PRPF8: variants seen among roughly 807,000 people sequenced by gnomAD.
PRPF8 encodes pre-mRNA processing factor 8, also known as pre-mRNA-processing-splicing factor 8.
A neutral mutation model predicts 285.9 loss-of-function variants in PRPF8; 64 were observed. The ratio of observed to expected loss-of-function variants is 0.22; its 90% CI spans 0.18 to 0.28. PRPF8 has a LOEUF of 0.28. PRPF8 is among the 10% of genes least tolerant of loss of function. The pLI, the probability that PRPF8 is intolerant of heterozygous loss-of-function variation, is 1.00. For missense variants in PRPF8, 1,426 were observed against 3,026.7 expected, an observed-to-expected ratio of 0.47 and a Z score of 12.41; for synonymous variants, 1,325 against 1,118.2, an observed-to-expected ratio of 1.18 and a Z score of -3.69.
In PRPF8 at chr17:1,658,791, T is replaced by C; in HGVS notation, c.5139-28A>G. On this transcript the variant is annotated intron_variant, in intron 32 of 42. Transcript: ENST00000304992. The surrounding 1 kb of genome is among the most constrained non-coding windows in gnomAD (Gnocchi z 4.1). ...GTGAGGATAAAAGGGTCAAGAAAAG[T>C]TAAGACGAGAATGACAGCCCCAGAA... 1 of 1,600,236 alleles carries C rather than the reference T, an allele frequency of 6.2e-7. No homozygotes were observed. The highest frequency in any genetic ancestry group is 8.6e-7 in the Non-Finnish European group (1 of 1,167,416).
At chr17:1,656,975 CAT>C (rs1405860800) in intron 34 of PRPF8, among the ~76,000 whole-genome samples, 6 of 152,278 alleles carry the variant, frequency 3.9e-5, no homozygotes, top group African/African-American at 1.2e-4. Context: ...CAAGCTGACA[CAT>C]GAGTATGTGC....
At chr17:1,671,238 G>C (rs8068601) in intron 24 of PRPF8, among the ~76,000 whole-genome samples, 39,688 of 152,068 alleles carry the variant, frequency 0.26, 7,185 homozygotes, top group African/African-American at 0.52. Context: ...GACTGGGCTA[G>C]AGCAATCACT....
rs1237316913 is a variant in PRPF8 at position 1,653,711 on chromosome 17, C to T, written c.6228-28G>A. 6 of 1,614,042 alleles carry T rather than the reference C, an allele frequency of 3.7e-6. No homozygotes were observed. Among genetic ancestry groups the T allele is most frequent in the Middle Eastern group, 1.6e-4 (1 of 6,084 alleles). On this transcript the variant is annotated intron_variant, in intron 38 of 42. Transcript: ENST00000304992. The surrounding 1 kb of genome is among the most constrained non-coding windows in gnomAD (Gnocchi z 4.9). ...AAAAACAGGCAGGGAGTGTCAGCAT[C>T]GCTCAGCCCAGCACCTTAGGTAGTG...
rs200741294 is a variant in PRPF8 at position 1,651,304 on chromosome 17, C to G, written c.6657G>C (p.Thr2219=). 6.2e-7 allele frequency: 1 copy of G among 1,614,112 alleles called. No individual in the cohort carries two copies. The highest frequency in any genetic ancestry group is 1.7e-5 in the Admixed American group (1 of 60,018). Residue 2219 remains threonine (T), a synonymous_variant, in exon 42 of 43, where the codon ACG becomes ACC. Transcript: ENST00000304992. This position sits in a 1 kb window ranked among gnomAD's most constrained non-coding sequence, Gnocchi z 5.1. ...EKTIIITCSF[T]PGSCTLTAYK... is the part of the protein sequence containing the mutation. ...AGGCCGTCAGTGTACAGGAGCCTGG[C>G]GTGAAGCTGGGGGAGGAACGAGGAC...
chr17:1,681,178 A>C (rs1451026129), intron 6 of PRPF8, 124 bp from the exon 7 acceptor site: 1 of 1,094,690 alleles, frequency 9.1e-7, no homozygotes. Flanking sequence ...TCCTGGGCTC[A>C]AACAATCCTC....
Position 1,673,972 on chromosome 17 carries a change from G to A in PRPF8, c.3300-80C>T, listed in dbSNP as rs900577413. 2.9e-5 allele frequency: 45 copies of A among 1,540,956 alleles called. No homozygotes were observed. The highest frequency in any genetic ancestry group is 2.9e-4 in the East Asian group (13 of 44,534). ...CCACAAGTCCTCCAGCTCAATAGAC[G>A]GAGACCCCACCCCATCCTACCCCCA... is the stretch of plus-strand genomic sequence containing the variant. On this transcript the variant is annotated intron_variant, in intron 21 of 42. Coordinates refer to ENST00000304992, the MANE Select transcript of PRPF8 (RefSeq NM_006445.4). The surrounding 1 kb of genome is among the most constrained non-coding windows in gnomAD (Gnocchi z 5.5).
intron 11 of PRPF8, 25 bp downstream of exon 11, chr17:1,678,992 G>T: frequency 6.2e-7 from 1 of 1,613,862 alleles, no homozygotes; most frequent in Non-Finnish European, 8.5e-7. Context: ...AAGCCCAGGA[G>T]GCCCCTAGGG....
At chr17:1,657,270 C>T (rs982716910) in intron 34 of PRPF8, among the ~76,000 whole-genome samples, 2 of 152,100 alleles carry the variant, frequency 1.3e-5, no homozygotes, top group South Asian at 2.1e-4. Flanking sequence ...AGATGTTGAA[C>T]GTCTAGGAAG....
chr17:1,674,401 C>G (rs370909449), intron 21 of PRPF8, 41 bp downstream of exon 21: 1 of 1,592,382 alleles, frequency 6.3e-7, no homozygotes, highest in Non-Finnish European at 8.6e-7. Context: ...AAGCACATGC[C>G]TCAGTACCCT....
At chr17:1,672,947 G>A in intron 24 of PRPF8, 134 bp downstream of exon 24, 1 of 844,966 alleles carries the variant, frequency 1.2e-6, no homozygotes. Flanking sequence ...AGCCACTATG[G>A]CACAGAGCAT....
In PRPF8 at chr17:1,673,477, A is replaced by C; in HGVS notation, c.3537T>G (p.Ser1179Arg). 6.2e-7 allele frequency: 1 copy of C among 1,614,036 alleles called. No individual in the cohort carries two copies. The highest frequency in any genetic ancestry group is 8.5e-7 in the Non-Finnish European group (1 of 1,179,990). ...QWENSFVSVY[S>R]KDNPNLLFNM... Reference sequence around the variant, plus strand: ...TGAACAGCAGGTTGGGGTTGTCCTTACTGTACACAGACACGAAGCTGTTCT... The same window carrying C: ...TGAACAGCAGGTTGGGGTTGTCCTTCCTGTACACAGACACGAAGCTGTTCT... Residue 1179 changes from serine to arginine, a missense_variant, in exon 23 of 43, where the codon AGT (serine) becomes AGG (arginine). Physicochemically the swap from Ser to Arg is moderately radical, Grantham distance 110. Coordinates refer to ENST00000304992, the MANE Select transcript of PRPF8 (RefSeq NM_006445.4). This position sits in a 1 kb window ranked among gnomAD's most constrained non-coding sequence, Gnocchi z 5.5.
intron 30 of PRPF8, 27 bp from the exon 31 acceptor site, chr17:1,660,028 A>C: frequency 1.9e-6 from 3 of 1,611,606 alleles, no homozygotes; most frequent in Non-Finnish European, 2.5e-6. Context: ...AGAGATTAAG[A>C]CTTGTTAAGG....
chr17:1,654,340 T>C (rs1803427489), intron 37 of PRPF8: 2 of 506,068 alleles, frequency 4.0e-6, no homozygotes, highest in Non-Finnish European at 7.2e-6. Flanking sequence ...TACTGGTTCT[T>C]AATCAGAGGT....
chr17:1,656,810 G>C, intron 34 of PRPF8, 49 bp from the exon 35 acceptor site: 1 of 1,457,718 alleles, frequency 6.9e-7, no homozygotes, highest in Non-Finnish European at 9.6e-7. Flanking sequence ...TACCCTCCCA[G>C]ATCAACTAGA....
In PRPF8 at chr17:1,673,627, C is replaced by G; in HGVS notation, c.3447-60G>C. The G allele has an allele frequency of 6.2e-7, 1 of 1,611,620 alleles. No individual in the cohort carries two copies. Among genetic ancestry groups the G allele is most frequent in the Non-Finnish European group, 8.5e-7 (1 of 1,178,928 alleles). On this transcript the variant is annotated intron_variant, in intron 22 of 42. Transcript: ENST00000304992. This position sits in a 1 kb window ranked among gnomAD's most constrained non-coding sequence, Gnocchi z 5.5. The stretch of plus-strand genomic sequence containing the variant: ...TTGGAAGGAACTTCCCTTCAAAGGC[C>G]AACTGATGACATCCTGACACAGCCA...
Position 1,651,411 on chromosome 17 carries a change from C to A in PRPF8, c.6650+3G>T. ...TACTTCCTCCCAAGGAGCCCAGGCC[C>A]ACCTGCATGTGATGATAATGGTCTT... On this transcript the variant is annotated splice_donor_region_variant and intron_variant, in intron 41 of 42. Coordinates refer to ENST00000304992, the MANE Select transcript of PRPF8 (RefSeq NM_006445.4). The surrounding 1 kb of genome is among the most constrained non-coding windows in gnomAD (Gnocchi z 5.1). The A allele has an allele frequency of 6.2e-7, 1 of 1,614,148 alleles. No homozygotes were observed. The highest frequency in any genetic ancestry group is 1.3e-5 in the African/African-American group (1 of 75,028).
chr17:1,661,526 G>T lies in PRPF8; in HGVS notation c.4202+85C>A. The T allele has an allele frequency of 6.2e-7, 1 of 1,608,198 alleles. No homozygotes were observed. The highest frequency in any genetic ancestry group is 1.1e-5 in the South Asian group (1 of 90,914). On this transcript the variant is annotated intron_variant, in intron 26 of 42. Coordinates refer to ENST00000304992, the MANE Select transcript of PRPF8 (RefSeq NM_006445.4). The surrounding 1 kb of genome is among the most constrained non-coding windows in gnomAD (Gnocchi z 7.3). The stretch of plus-strand genomic sequence containing the variant: ...AGCCTTCTCACCTCCATACAACCAT[G>T]GCATGCTCTGACCCTGAACTCCACA...
At position 1,651,628 on chromosome 17, in the gene PRPF8, G is replaced by A; in HGVS notation, c.6510+20C>T. On this transcript the variant is annotated intron_variant, in intron 40 of 42. Transcript: ENST00000304992. The surrounding 1 kb of genome is among the most constrained non-coding windows in gnomAD (Gnocchi z 5.1). ...CGCACCAGCTTTTCCACACTCCCAG[G>A]CTCCATCACTCCCCATTACCTTGAG... The A allele has an allele frequency of 6.2e-7, 1 of 1,614,034 alleles. No individual in the cohort carries two copies.
chr17:1,678,946 C>G, intron 11 of PRPF8, 65 bp from the exon 12 acceptor site: 1 of 1,613,714 alleles, frequency 6.2e-7, no homozygotes, highest in Middle Eastern at 1.6e-4. Flanking sequence ...TGTATGCCTT[C>G]ATCAGTAACC....
Sources: gnomAD v4.1 joint callset for allele counts (sites outside exome capture counted in the v4.1 genomes callset) on GRCh38, gnomAD v4.1.1 for gene constraint, Gnocchi (gnomAD v3.1) non-coding constraint, MANE v1.5 for transcripts, NCBI Gene and HGNC (gene_info 2026-07-23, HGNC 2026-07-21) for gene names.